ATXN10: variants seen among roughly 807,000 people sequenced by gnomAD.
ATXN10 encodes ataxin-10.
A neutral mutation model predicts 52.9 loss-of-function variants in ATXN10; 28 were observed. The ratio of observed to expected loss-of-function variants is 0.53; its 90% CI spans 0.39 to 0.73. The LOEUF (loss-of-function observed/expected upper bound fraction) is 0.73. ATXN10 is among the 30% of genes least tolerant of loss of function. The pLI is 0.00. For synonymous variants in ATXN10, 226 were observed against 221.5 expected, an observed-to-expected ratio of 1.02 and a Z score of -0.18; for missense variants, 565 against 577.0, an observed-to-expected ratio of 0.98 and a Z score of 0.21.
Position 45,766,344 on chromosome 22 carries a change from T to C in ATXN10, c.1173+25806T>C, listed in dbSNP as rs1926580772. Among the ~76,000 whole-genome samples, 1 of 152,122 alleles carries C rather than the reference T, an allele frequency of 6.6e-6. No homozygotes were observed. Among genetic ancestry groups the C allele is most frequent in the Non-Finnish European group, 1.5e-5 (1 of 67,996 alleles). On this transcript the variant is annotated intron_variant, in intron 9 of 11. Coordinates refer to ENST00000252934, the MANE Select transcript of ATXN10 (RefSeq NM_013236.4). This position sits in a 1 kb window ranked among gnomAD's most constrained non-coding sequence, Gnocchi z 4.6. ...GAACTGTGCATGCGAGGGATCTAGG[T>C]TGCAAGCTGTCTATGAGAATCTAAT...
At chr22:45,822,462 C>G (rs1325803239) in intron 10 of ATXN10, among the ~76,000 whole-genome samples, 3 of 151,786 alleles carry the variant, frequency 2.0e-5, no homozygotes, top group Non-Finnish European at 2.9e-5. Flanking sequence ...TGCAGTCAGA[C>G]CTCGTAATAT....
chr22:45,802,368 C>T (rs146929455), intron 9 of ATXN10, among the ~76,000 whole-genome samples: 7 of 152,312 alleles, frequency 4.6e-5, no homozygotes, highest in African/African-American at 1.4e-4. Flanking sequence ...TGTTTCTCTC[C>T]TGCCCCAACA....
At chr22:45,730,832 C>T (rs921960969) in intron 7 of ATXN10, among the ~76,000 whole-genome samples, 11 of 152,194 alleles carry the variant, frequency 7.2e-5, no homozygotes, top group Non-Finnish European at 1.6e-4. Flanking sequence ...TATCCTAGGA[C>T]ATAATCTTAG....
intron 10 of ATXN10, among the ~76,000 whole-genome samples, chr22:45,812,122 C>T (rs1569074931): frequency 6.6e-6 from 1 of 152,200 alleles, no homozygotes; most frequent in African/African-American, 2.4e-5. Context: ...TGGTCATCCT[C>T]ATGCTTCACA....
At chr22:45,738,985 T>TA (rs1399251432) in intron 8 of ATXN10, 146 bp downstream of exon 8, 2 of 775,656 alleles carry the variant, frequency 2.6e-6, no homozygotes, top group African/African-American at 3.4e-5. Context: ...CACAGTGTTG[T>TA]AACAGTTCAG....
intron 9 of ATXN10, among the ~76,000 whole-genome samples, chr22:45,791,168 T>C (rs906177006): frequency 5.3e-5 from 8 of 152,230 alleles, no homozygotes; most frequent in Non-Finnish European, 1.2e-4. Flanking sequence ...TAAATCAGCC[T>C]TATTGCTTTA....
rs1307104070 is a variant in ATXN10 at position 45,835,368 on chromosome 22, C to T, written c.1238-7623C>T. Among the ~76,000 whole-genome samples, 1 of 152,170 alleles carries T rather than the reference C, an allele frequency of 6.6e-6. No individual in the cohort carries two copies. The highest frequency in any genetic ancestry group is 1.5e-5 in the Non-Finnish European group (1 of 68,028). On this transcript the variant is annotated intron_variant, in intron 10 of 11. Transcript: ENST00000252934. This position sits in a 1 kb window ranked among gnomAD's most constrained non-coding sequence, Gnocchi z 5.0. ...CGCACTGGTGCCACAGCCCTTCGCT[C>T]GGGCCCACGGGGTGCAGTGGAGGAA...
chr22:45,813,209 A>C (rs963681819), intron 10 of ATXN10, among the ~76,000 whole-genome samples: 1 of 152,070 alleles, frequency 6.6e-6, no homozygotes, highest in African/African-American at 2.4e-5. Flanking sequence ...CTTATTTGTC[A>C]GTTTATTGTG....
In ATXN10 at chr22:45,688,098, C is replaced by G. The variant is rs1467754231; in HGVS notation, c.117-1614C>G. Among the ~76,000 whole-genome samples the G allele has an allele frequency of 2.6e-5, 4 of 152,096 alleles. No homozygotes were observed. Among genetic ancestry groups the G allele is most frequent in the African/African-American group, 9.7e-5 (4 of 41,418 alleles). On this transcript the variant is annotated intron_variant, in intron 1 of 11. Coordinates refer to ENST00000252934, the MANE Select transcript of ATXN10 (RefSeq NM_013236.4). The surrounding 1 kb of genome is among the most constrained non-coding windows in gnomAD (Gnocchi z 4.0). ...AGTGAGTATTCTTCCATTCTTCTTA[C>G]GGCAATGCTGTCACTAAAAAATGGC...
chr22:45,672,167 A>G lies in ATXN10; in HGVS notation c.104A>G (p.Glu35Gly). The G allele has an allele frequency of 6.5e-7, 1 of 1,536,614 alleles. No homozygotes were observed. The highest frequency in any genetic ancestry group is 8.7e-7 in the Non-Finnish European group (1 of 1,144,030). ...CGCGCGCTCACGGCGCTCTTCAAAG[A>G]GCAGCGGAACCGGTAACGGGTCCGG... ...ALRALTALFKEQRNRETAPRT... is the reference protein window; with the variant it reads ...ALRALTALFKGQRNRETAPRT... Residue 35 changes from glutamate to glycine, a missense_variant, in exon 1 of 12, where the codon GAG becomes GGG. Transcript: ENST00000252934.
Position 45,696,852 on chromosome 22 carries a change from C to T in ATXN10, c.392-3430C>T, listed in dbSNP as rs570742069. Among the ~76,000 whole-genome samples the T allele has an allele frequency of 6.6e-6, 1 of 152,182 alleles. No individual in the cohort carries two copies. Among genetic ancestry groups the T allele is most frequent in the Non-Finnish European group, 1.5e-5 (1 of 68,028 alleles). ...AATTTAACGGAGCAGATATCTGAAACTACTTTTATGAACCAGTTTGTCATT... is the reference window on the plus strand; with the variant it reads ...AATTTAACGGAGCAGATATCTGAAATTACTTTTATGAACCAGTTTGTCATT... On this transcript the variant is annotated intron_variant, in intron 3 of 11. Coordinates refer to ENST00000252934, the MANE Select transcript of ATXN10 (RefSeq NM_013236.4). This position sits in a 1 kb window ranked among gnomAD's most constrained non-coding sequence, Gnocchi z 4.7.
At chr22:45,765,913 A>C (rs1372657405) in intron 9 of ATXN10, among the ~76,000 whole-genome samples, 7 of 152,222 alleles carry the variant, frequency 4.6e-5, no homozygotes, top group Non-Finnish European at 4.4e-5. Context: ...AATGAGCAGT[A>C]ATAGCCAGGA....
In ATXN10 at chr22:45,718,958, T is replaced by C. The variant is rs184503840; in HGVS notation, c.728+465T>C. 6.0e-4 allele frequency among the ~76,000 whole-genome samples: 92 copies of C among 152,210 alleles called. No homozygotes were observed. The highest frequency in any genetic ancestry group is 6.8e-3 in the Middle Eastern group (2 of 294). On this transcript the variant is annotated intron_variant, in intron 6 of 11. Transcript: ENST00000252934. This position sits in a 1 kb window ranked among gnomAD's most constrained non-coding sequence, Gnocchi z 4.4. ...ACAGTTACTGTAGTAGGAAAAACAGTGACCTAGGAGTTCTAAGACACTGGC... is the reference window on the plus strand; with the variant it reads ...ACAGTTACTGTAGTAGGAAAAACAGCGACCTAGGAGTTCTAAGACACTGGC...
At chr22:45,814,244 C>T (rs1186002265) in intron 10 of ATXN10, among the ~76,000 whole-genome samples, 1 of 152,178 alleles carries the variant, frequency 6.6e-6, no homozygotes, top group East Asian at 1.9e-4. Context: ...ATATATCTGA[C>T]AGAGGATAAG....
rs1036129898 is a variant in ATXN10 at position 45,825,511 on chromosome 22, A to G, written c.1238-17480A>G. ...CCTTGGCACAGAGACAGCCTGCAAC[A>G]ATCCAGAAATAATAATAATAATGAA... is the stretch of plus-strand genomic sequence containing the variant. On this transcript the variant is annotated intron_variant, in intron 10 of 11. Coordinates refer to ENST00000252934, the MANE Select transcript of ATXN10 (RefSeq NM_013236.4). This position sits in a 1 kb window ranked among gnomAD's most constrained non-coding sequence, Gnocchi z 4.5. 6.6e-6 allele frequency among the ~76,000 whole-genome samples: 1 copy of G among 152,156 alleles called. No homozygotes were observed. The highest frequency in any genetic ancestry group is 6.5e-5 in the Admixed American group (1 of 15,278).
chr22:45,843,803 T>G lies in ATXN10; in HGVS notation c.*132T>G. Reference sequence around the variant, plus strand: ...GGGAACATACAAATCTTTTAGGTAGTAGAGTTTAACGTGTATAAGCTAAAA... The same window carrying G: ...GGGAACATACAAATCTTTTAGGTAGGAGAGTTTAACGTGTATAAGCTAAAA... On this transcript the variant is annotated 3_prime_UTR_variant, in exon 12 of 12. Transcript: ENST00000252934. The surrounding 1 kb of genome is among the most constrained non-coding windows in gnomAD (Gnocchi z 4.5). The G allele has an allele frequency of 2.3e-6, 2 of 869,256 alleles. No individual in the cohort carries two copies. Among genetic ancestry groups the G allele is most frequent in the Non-Finnish European group, 3.7e-6 (2 of 537,668 alleles). 53.8% of individuals were successfully genotyped at this position (869,256 alleles called of 1,614,324 possible).
intron 9 of ATXN10, among the ~76,000 whole-genome samples, chr22:45,788,082 T>G (rs1311553440): frequency 6.6e-6 from 1 of 152,144 alleles, no homozygotes; most frequent in Non-Finnish European, 1.5e-5. Context: ...TCTACCCGCT[T>G]TAGGAGATTT....
At chr22:45,729,825 C>G in intron 7 of ATXN10, 1 of 553,812 alleles carries the variant, frequency 1.8e-6, no homozygotes. Context: ...CAGATGACAT[C>G]AGATACATGC....
chr22:45,793,239 G>C (rs1927578352), intron 9 of ATXN10: 1 of 159,902 alleles, frequency 6.3e-6, no homozygotes, highest in African/African-American at 2.4e-5. Flanking sequence ...TTGCTAGAGA[G>C]CTTTGTGTTC....
Sources: gnomAD v4.1 joint callset for allele counts (sites outside exome capture counted in the v4.1 genomes callset) on GRCh38, gnomAD v4.1.1 for gene constraint, Gnocchi (gnomAD v3.1) non-coding constraint, MANE v1.5 for transcripts, NCBI Gene and HGNC (gene_info 2026-07-23, HGNC 2026-07-21) for gene names.